Variants in TMTC2 observed in about 807,000 individuals in gnomAD.
TMTC2 encodes the protein transmembrane O-mannosyltransferase targeting cadherins 2, also known as protein O-mannosyl-transferase TMTC2.
A neutral mutation model predicts 82.4 loss-of-function variants in TMTC2; 43 were observed. That is an observed-to-expected ratio of 0.52 (90% confidence interval 0.41 to 0.67). The LOEUF (loss-of-function observed/expected upper bound fraction) is 0.67. Among genes scored for constraint, TMTC2 ranks in the 30% least tolerant of loss-of-function variants. The probability of loss-of-function intolerance (pLI) is 0.00; values close to 1 mark genes in which losing one functional copy is unlikely to be tolerated. For synonymous variants in TMTC2, 408 were observed against 381.9 expected, an observed-to-expected ratio of 1.07 and a Z score of -0.80; for missense variants, 919 against 1,012.4, an observed-to-expected ratio of 0.91 and a Z score of 1.25.
At chr12:82,892,066 A>G (rs1195684178) in intron 2 of TMTC2, among the ~76,000 whole-genome samples, 2 of 152,180 alleles carry the variant, frequency 1.3e-5, no homozygotes. Flanking sequence ...ACCCTGTCTT[A>G]AAAATAAATA....
intron 11 of TMTC2, among the ~76,000 whole-genome samples, chr12:83,086,660 T>C (rs1883670909): frequency 6.6e-6 from 1 of 152,202 alleles, no homozygotes; most frequent in Admixed American, 6.5e-5. Flanking sequence ...TTTGATTTCC[T>C]GGTGTTTTGA....
chr12:83,107,230 A>G (rs1447562268), intron 11 of TMTC2, among the ~76,000 whole-genome samples: 3 of 152,238 alleles, frequency 2.0e-5, no homozygotes, highest in Admixed American at 1.3e-4. Flanking sequence ...TATCAAAGAT[A>G]TCTAACTCAT....
intron 1 of TMTC2, among the ~76,000 whole-genome samples, chr12:82,738,298 C>T (rs1875221449): frequency 6.6e-6 from 1 of 152,162 alleles, no homozygotes; most frequent in South Asian, 2.1e-4. Context: ...TTGGGGATGT[C>T]ATGGAGGATT....
intron 3 of TMTC2, among the ~76,000 whole-genome samples, chr12:82,913,964 G>C (rs1169376829): frequency 6.6e-6 from 1 of 151,712 alleles, no homozygotes; most frequent in Non-Finnish European, 1.5e-5. Context: ...TTTTCAGTCT[G>C]TGTTTGGTTG....
rs1459451325 is a variant in TMTC2 at position 83,127,222 on chromosome 12, G to A, written c.2332-4988G>A. On this transcript the variant is annotated intron_variant, in intron 11 of 11. Coordinates refer to ENST00000321196, the MANE Select transcript of TMTC2 (RefSeq NM_152588.3). Reference sequence around the variant, plus strand: ...ATTAATTGAGTAATAACTAGGTAAGGCTAACTTCAGTCACTCTTTTTAAAA... The same window carrying A: ...ATTAATTGAGTAATAACTAGGTAAGACTAACTTCAGTCACTCTTTTTAAAA... Among the ~76,000 whole-genome samples the A allele has an allele frequency of 3.3e-5, 5 of 152,050 alleles. No individual in the cohort carries two copies. In the South Asian group the frequency reaches 6.2e-4, roughly 19 times the overall value.
chr12:83,116,875 G>A (rs1266589309), intron 11 of TMTC2, among the ~76,000 whole-genome samples: 1 of 152,114 alleles, frequency 6.6e-6, no homozygotes, highest in African/African-American at 2.4e-5. Context: ...CTTCCACTCT[G>A]TGTGTTGTCT....
intron 11 of TMTC2, among the ~76,000 whole-genome samples, chr12:83,111,457 A>G (rs1246456013): frequency 6.6e-6 from 1 of 152,196 alleles, no homozygotes; most frequent in Non-Finnish European, 1.5e-5. Flanking sequence ...TTTGAATATA[A>G]TGCAATTTTC....
At chr12:82,933,435 A>G (rs992924192) in intron 4 of TMTC2, among the ~76,000 whole-genome samples, 3 of 152,176 alleles carry the variant, frequency 2.0e-5, no homozygotes, top group African/African-American at 7.2e-5. Context: ...ACTGTTAAAT[A>G]GTAAATTTTA....
At chr12:82,967,848 C>T (rs567375984) in intron 7 of TMTC2, among the ~76,000 whole-genome samples, 5 of 152,078 alleles carry the variant, frequency 3.3e-5, no homozygotes, top group African/African-American at 4.8e-5. Flanking sequence ...TTTAATATTT[C>T]TAGTCCTCTC....
Position 82,873,714 on chromosome 12 carries a change from T to C in TMTC2, c.654+16134T>C, listed in dbSNP as rs540576561. ...CATATGCAACAGGAATTAGGTTGTA[T>C]TTAAAATATAAAATTGTCTTGTTTT... On this transcript the variant is annotated intron_variant, in intron 2 of 11. Transcript: ENST00000321196. 2.0e-5 allele frequency among the ~76,000 whole-genome samples: 3 copies of C among 152,298 alleles called. No individual in the cohort carries two copies. In the South Asian group the frequency reaches 6.2e-4, roughly 32 times the overall value.
At chr12:82,899,574 AATAT>A (rs529528999) in intron 3 of TMTC2, among the ~76,000 whole-genome samples, 4 of 126,196 alleles carry the variant, frequency 3.2e-5, no homozygotes, top group African/African-American at 9.7e-5. Flanking sequence ...ATATATGTGG[AATAT>A]ATATATATAA....
At chr12:83,053,229 C>T (rs375102532) in intron 10 of TMTC2, among the ~76,000 whole-genome samples, 1 of 151,992 alleles carries the variant, frequency 6.6e-6, no homozygotes, top group South Asian at 2.1e-4. Context: ...CCACATAGTT[C>T]TAAATTAAGT....
chr12:82,881,024 A>G (rs963289153), intron 2 of TMTC2, among the ~76,000 whole-genome samples: 1 of 152,198 alleles, frequency 6.6e-6, no homozygotes, highest in Non-Finnish European at 1.5e-5. Flanking sequence ...TTTATTGATA[A>G]TGCTAAAACT....
rs557715942 is a variant in TMTC2, at chr12:82,957,605, T to A, written c.1599-7419T>A. Among the ~76,000 whole-genome samples, 14 of 151,616 alleles carry A rather than the reference T, an allele frequency of 9.2e-5. No homozygotes were observed. The East Asian group carries it at 2.7e-3, about 29-fold the overall frequency. On this transcript the variant is annotated intron_variant, in intron 4 of 11. Transcript: ENST00000321196. ...CCCAAAAGTTGGTTTTTTTAAAGGA[T>A]AAAGAAGATCTATAGACCACTATCA... is the stretch of plus-strand genomic sequence containing the variant.
chr12:83,131,707 C>CAAA (rs1885260198), intron 11 of TMTC2, among the ~76,000 whole-genome samples: 1 of 152,018 alleles, frequency 6.6e-6, no homozygotes, highest in East Asian at 1.9e-4. Context: ...GATTTTTACC[C>CAAA]AAAAACATCC....
At chr12:82,976,676 T>C (rs1421716328) in intron 7 of TMTC2, among the ~76,000 whole-genome samples, 2 of 151,950 alleles carry the variant, frequency 1.3e-5, no homozygotes, top group African/African-American at 2.4e-5. Flanking sequence ...GACAAAAATA[T>C]TGGGATGGAG....
At chr12:82,726,001 A>G (rs758460247) in intron 1 of TMTC2, among the ~76,000 whole-genome samples, 1 of 152,202 alleles carries the variant, frequency 6.6e-6, no homozygotes, top group Non-Finnish European at 1.5e-5. Context: ...GAAGAAAATG[A>G]TCTAGTTATG....
In TMTC2 at chr12:82,794,989, C is replaced by T. The variant is rs1004955441; in HGVS notation, c.84-62021C>T. Among the ~76,000 whole-genome samples, 49 of 152,184 alleles carry T rather than the reference C, an allele frequency of 3.2e-4. 2 individuals carry two copies. The highest frequency in any genetic ancestry group is 3.2e-3 in the Admixed American group (49 of 15,286). ...GGTAAGCCAACATAGAAGAGTTCAT[C>T]TGTGAATCGCTGGAATCCGAAGTTG... On this transcript the variant is annotated intron_variant, in intron 1 of 11. Transcript: ENST00000321196.
At chr12:82,732,596 G>A (rs540088331) in intron 1 of TMTC2, among the ~76,000 whole-genome samples, 1 of 152,208 alleles carries the variant, frequency 6.6e-6, no homozygotes, top group East Asian at 1.9e-4. Context: ...GTCTGCCTCG[G>A]CCTCCCAAAG....
Sources: allele counts gnomAD v4.1 joint callset (sites outside exome capture counted in the v4.1 genomes callset), GRCh38; gene constraint gnomAD v4.1.1; transcripts MANE v1.5; gene names NCBI Gene and HGNC (gene_info 2026-07-23, HGNC 2026-07-21).